Variants in MYL3 observed in about 807,000 individuals in gnomAD.
MYL3 encodes the protein CMLC1.
Under a neutral mutation model 21.3 loss-of-function variants are expected in MYL3, and 11 were observed. The ratio of observed to expected loss-of-function variants is 0.52; its 90% confidence interval spans 0.32 to 0.85. The LOEUF (loss-of-function observed/expected upper bound fraction) is 0.85, where lower values mean the gene tolerates loss of function less well. Ranked by LOEUF, MYL3 falls within the 40% of genes least tolerant of loss-of-function variation. MYL3 has a pLI of 0.03. For synonymous variants in MYL3, 88 were observed against 91.6 expected (o/e 0.96, Z 0.22); for missense variants, 206 against 253.3 (o/e 0.81, Z 1.27).
upstream of MYL3, among the ~76,000 whole-genome samples, chr3:46,863,934 A>C (rs1306725088): frequency 6.6e-6 from 1 of 151,714 alleles, no homozygotes; most frequent in Non-Finnish European, 1.5e-5. Flanking sequence ...GGCGGAAGTC[A>C]GCATGTGTCT....
At chr3:46,862,556 G>C (rs1702003345) in intron 1 of MYL3, among the ~76,000 whole-genome samples, 1 of 152,196 alleles carries the variant, frequency 6.6e-6, no homozygotes, top group Non-Finnish European at 1.5e-5. Flanking sequence ...AGAACAGGGA[G>C]CAGGCAGGAC....
intron 1 of MYL3, among the ~76,000 whole-genome samples, chr3:46,862,455 G>A (rs989221348): frequency 9.9e-5 from 15 of 152,170 alleles, no homozygotes; most frequent in Non-Finnish European, 1.8e-4. Flanking sequence ...AGACTTCACC[G>A]ATGGAATGTA....
At chr3:46,873,983 A>G (rs970619716) in intron 1 of MYL3, among the ~76,000 whole-genome samples, 1 of 152,112 alleles carries the variant, frequency 6.6e-6, no homozygotes, top group African/African-American at 2.4e-5. Flanking sequence ...AACCTCCTCC[A>G]CACTGGCGAC....
chr3:46,858,565 TC>T, intron 4 of MYL3, 104 bp from the exon 5 acceptor site: 1 of 1,068,774 alleles, frequency 9.4e-7, no homozygotes, highest in Non-Finnish European at 1.4e-6. Context: ...TCTCCAGTAT[TC>T]CCACAACCAG....
chr3:46,861,054 CT>C lies in MYL3; in HGVS notation c.130-68del. ...GTGGGGCCACACCTCCTCCTGGGCA[CT>C]CGGTGGCCAGCCCAGAATGTCAACT... On this transcript the variant is annotated intron_variant, in intron 1 of 6. Coordinates refer to ENST00000292327, the MANE Select transcript of MYL3 (RefSeq NM_000258.3). This position sits in a 1 kb window ranked among gnomAD's most constrained non-coding sequence, Gnocchi z 4.2. 1 of 1,573,650 alleles carries C rather than the reference CT, an allele frequency of 6.4e-7. No individual in the cohort carries two copies. The highest frequency in any genetic ancestry group is 8.7e-7 in the Non-Finnish European group (1 of 1,144,066).
chr3:46,876,030 G>T (rs1575502090), intron 1 of MYL3, among the ~76,000 whole-genome samples: 1 of 152,254 alleles, frequency 6.6e-6, no homozygotes, highest in East Asian at 1.9e-4. Context: ...AAACTGGCAG[G>T]CCCAAGGCTC....
At chr3:46,867,029 T>TCAGACCC (rs1702052945), upstream of MYL3, among the ~76,000 whole-genome samples, 1 of 151,432 alleles carries the variant, frequency 6.6e-6, no homozygotes, top group South Asian at 2.1e-4. Flanking sequence ...AACCCCAAGC[T>TCAGACCC]CAGACCCCAG....
rs530693931 is a variant in MYL3, at chr3:46,878,018, A to G, written c.-218+4056T>C. 3.9e-5 allele frequency among the ~76,000 whole-genome samples: 6 copies of G among 152,348 alleles called. No individual in the cohort carries two copies. In the South Asian group the frequency reaches 1.2e-3, roughly 32 times the overall value. On this transcript the variant is annotated intron_variant, in intron 1 of 3. Transcript: ENST00000431168. ...TTATGACAGCAGGGGGCTTGTAACC[A>G]TGAGGCCAGCAGGGACAGAAAGCCC...
At chr3:46,868,849 TA>T in intron 1 of MYL3, among the ~76,000 whole-genome samples, 1 of 152,330 alleles carries the variant, frequency 6.6e-6, no homozygotes, top group Middle Eastern at 3.4e-3. Context: ...CACCCCTGTT[TA>T]GTCCAAAGAG....
rs1362259332 is a variant in MYL3, at chr3:46,874,762, CT to C, written c.-218+7311del. On this transcript the variant is annotated intron_variant, in intron 1 of 3. Coordinates refer to the MYL3 transcript ENST00000431168. This position sits in a 1 kb window ranked among gnomAD's most constrained non-coding sequence, Gnocchi z 4.1. ...ACACACACAATAGGGACGCACTAGG[CT>C]TCTGGGGATTTTACAACCACTGGAG... Among the ~76,000 whole-genome samples, 1 of 152,186 alleles carries C rather than the reference CT, an allele frequency of 6.6e-6. No homozygotes were observed. The highest frequency in any genetic ancestry group is 2.4e-5 in the African/African-American group (1 of 41,430).
chr3:46,870,267 C>G (rs1485531590), intron 1 of MYL3, among the ~76,000 whole-genome samples: 1 of 152,008 alleles, frequency 6.6e-6, no homozygotes, highest in Non-Finnish European at 1.5e-5. Context: ...AAGTGGGCAC[C>G]AGACCAGGAT....
Position 46,873,520 on chromosome 3 carries a change from T to C in MYL3, c.-217-6920A>G, listed in dbSNP as rs1041295038. 4.6e-5 allele frequency among the ~76,000 whole-genome samples: 7 copies of C among 152,118 alleles called. No homozygotes were observed. In the East Asian group the frequency reaches 1.2e-3, roughly 25 times the overall value. On this transcript the variant is annotated intron_variant, in intron 1 of 3. Transcript: ENST00000431168. Reference sequence around the variant, plus strand: ...CCCTCCACCCCCAAGGAGCCCTGTGTGGTTACGCTTGATTGGAAAAATTGA... The same window carrying C: ...CCCTCCACCCCCAAGGAGCCCTGTGCGGTTACGCTTGATTGGAAAAATTGA...
chr3:46,870,502 C>CCACTCT (rs1385450997), intron 1 of MYL3, among the ~76,000 whole-genome samples: 1 of 152,088 alleles, frequency 6.6e-6, no homozygotes, highest in Non-Finnish European at 1.5e-5. Flanking sequence ...AGGGCTCTCC[C>CCACTCT]CACTCTGCCC....
chr3:46,860,419 C>T lies in MYL3; in HGVS notation c.307+257G>A, dbSNP rs904133923. On this transcript the variant is annotated intron_variant, in intron 3 of 6. Coordinates refer to ENST00000292327, the MANE Select transcript of MYL3 (RefSeq NM_000258.3). This position sits in a 1 kb window ranked among gnomAD's most constrained non-coding sequence, Gnocchi z 4.6. Reference sequence around the variant, plus strand: ...CCCACTGCCCACTGCTGTCACTGCCCGACCTTCTCACTTCTCCATAGGTGT... The same window carrying T: ...CCCACTGCCCACTGCTGTCACTGCCTGACCTTCTCACTTCTCCATAGGTGT... 1.3e-5 allele frequency among the ~76,000 whole-genome samples: 2 copies of T among 152,310 alleles called. No homozygotes were observed. Among genetic ancestry groups the T allele is most frequent in the East Asian group, 1.9e-4 (1 of 5,178 alleles).
intron 1 of MYL3, among the ~76,000 whole-genome samples, chr3:46,880,726 T>TGAA (rs541243988): frequency 2.4e-4 from 37 of 151,430 alleles, no homozygotes; most frequent in Non-Finnish European, 4.3e-4. Context: ...GACTTTGTCT[T>TGAA]GAAGAAGAAG....
intron 1 of MYL3, among the ~76,000 whole-genome samples, chr3:46,880,693 C>T (rs1334854239): frequency 6.6e-6 from 1 of 152,144 alleles, no homozygotes; most frequent in South Asian, 2.1e-4. Flanking sequence ...TGCCACTGGA[C>T]TCCAGCCTGG....
chr3:46,858,490 C>G, intron 4 of MYL3, 29 bp from the exon 5 acceptor site: 3 of 1,608,034 alleles, frequency 1.9e-6, no homozygotes. Flanking sequence ...TGAGTCAGCA[C>G]CGTGCGTGCA....
chr3:46,870,588 A>G (rs1336029197), intron 1 of MYL3, among the ~76,000 whole-genome samples: 1 of 151,894 alleles, frequency 6.6e-6, no homozygotes, highest in Non-Finnish European at 1.5e-5. Flanking sequence ...GGATGCTGCA[A>G]TAAAAATGGC....
chr3:46,859,768 G>C lies in MYL3; in HGVS notation c.308-120C>G. 8.4e-7 allele frequency: 1 copy of C among 1,190,356 alleles called. No individual in the cohort carries two copies. The highest frequency in any genetic ancestry group is 1.2e-6 in the Non-Finnish European group (1 of 803,274). 73.7% of individuals were successfully genotyped at this position (1,190,356 alleles called of 1,614,324 possible). A position where few individuals can be genotyped will look rare whatever the true frequency, so the allele number is the denominator to read the frequency against. On this transcript the variant is annotated intron_variant, in intron 3 of 6. Transcript: ENST00000292327. The surrounding 1 kb of genome is among the most constrained non-coding windows in gnomAD (Gnocchi z 4.1). ...CACAGTTCTACAACAGTCTACACCAGTTCTCACAGCAGTCTACACCAGTTT... is the reference window on the plus strand; with the variant it reads ...CACAGTTCTACAACAGTCTACACCACTTCTCACAGCAGTCTACACCAGTTT...
Sources: gnomAD v4.1 joint callset for allele counts (sites outside exome capture counted in the v4.1 genomes callset) on GRCh38, gnomAD v4.1.1 for gene constraint, Gnocchi (gnomAD v3.1) non-coding constraint, MANE v1.5 for transcripts, NCBI Gene and HGNC (gene_info 2026-07-23, HGNC 2026-07-21) for gene names.